The following ZNG1A variants were observed in gnomAD, a reference collection of about 807,000 sequenced individuals.
ZNG1A encodes the protein zinc-regulated GTPase metalloprotein activator 1A.
the ZNG1A span, among the ~76,000 whole-genome samples, chr9:127,247 TTGA>T: frequency 6.6e-6 from 1 of 152,122 alleles, no homozygotes; most frequent in Non-Finnish European, 1.5e-5. Flanking sequence ...ACTTTCTGTC[TTGA>T]TGACCTGTCC....
At chr9:162,394 C>G in the ZNG1A span, 4 of 1,437,686 alleles carry the variant, frequency 2.8e-6, no homozygotes, top group Non-Finnish European at 3.8e-6. Context: ...ATTCCCAGCT[C>G]TCAATAATGA....
the ZNG1A span, chr9:162,384 A>T: frequency 1.4e-6 from 2 of 1,400,082 alleles, no homozygotes; most frequent in Admixed American, 2.2e-5. Flanking sequence ...CAATCCCCAT[A>T]TTCCCAGCTC....
At chr9:174,146 CA>C in the ZNG1A span, among the ~76,000 whole-genome samples, 88 of 92,582 alleles carry the variant, frequency 9.5e-4, no homozygotes, top group East Asian at 6.0e-3. Context: ...GACTCCATCT[CA>C]AAAAAAAAAA....
chr9:165,321 CATTG>C, the ZNG1A span, among the ~76,000 whole-genome samples: 1 of 150,806 alleles, frequency 6.6e-6, no homozygotes, highest in African/African-American at 2.5e-5. Context: ...TTTAAAAATT[CATTG>C]ATTTTTATTC....
the ZNG1A span, among the ~76,000 whole-genome samples, chr9:138,393 TTTC>T: frequency 1.7e-5 from 2 of 116,646 alleles, no homozygotes; most frequent in East Asian, 2.6e-4. Flanking sequence ...TTTTTCTTTC[TTTC>T]TTTTTTTTTT....
chr9:176,562 G>A, the ZNG1A span, among the ~76,000 whole-genome samples: 2 of 151,934 alleles, frequency 1.3e-5, no homozygotes, highest in East Asian at 1.9e-4. Context: ...GAGTATTAGG[G>A]TATTAATATC....
the ZNG1A span, chr9:161,607 C>A: frequency 7.8e-7 from 1 of 1,286,622 alleles, no homozygotes; most frequent in African/African-American, 1.5e-5. Flanking sequence ...GGGAACGGGT[C>A]AGTGGGTGGG....
the ZNG1A span, among the ~76,000 whole-genome samples, chr9:175,056 A>T: frequency 3.9e-5 from 6 of 152,224 alleles, no homozygotes; most frequent in Non-Finnish European, 7.3e-5. Flanking sequence ...AATAGAGTCC[A>T]TACAAAAGTG....
the ZNG1A span, chr9:172,178 G>T: frequency 1.2e-6 from 2 of 1,610,542 alleles, no homozygotes; most frequent in Non-Finnish European, 1.7e-6. Context: ...TGTCCCTGGA[G>T]AATACCAAAA....
chr9:177,953 G>T, the ZNG1A span: 3 of 984,714 alleles, frequency 3.0e-6, no homozygotes, highest in African/African-American at 5.1e-5. Flanking sequence ...AAAAGGTCAC[G>T]AAGTGGCCCA....
At chr9:174,236 C>A in the ZNG1A span, among the ~76,000 whole-genome samples, 7 of 151,274 alleles carry the variant, frequency 4.6e-5, no homozygotes, top group African/African-American at 1.7e-4. Flanking sequence ...ATTTGAAATG[C>A]TTGTTATCTA....
the ZNG1A span, chr9:171,802 T>G: frequency 9.2e-6 from 4 of 435,848 alleles, no homozygotes; most frequent in African/African-American, 8.1e-5. Flanking sequence ...TTCCTACATG[T>G]CCTTATTTTT....
the ZNG1A span, chr9:166,694 T>A: frequency 2.0e-5 from 3 of 152,556 alleles, no homozygotes; most frequent in Non-Finnish European, 4.4e-5. Context: ...AATGCGTTTG[T>A]AGCGCTAAAG....
the ZNG1A span, chr9:151,999 ATT>A: frequency 1.9e-6 from 1 of 534,086 alleles, no homozygotes; most frequent in African/African-American, 2.0e-5. Flanking sequence ...AACTAAAATG[ATT>A]TGTTATTAAT....
At chr9:154,622 G>C in the ZNG1A span, 3,727 of 983,742 alleles carry the variant, frequency 3.8e-3, 93 homozygotes, top group African/African-American at 0.052. Flanking sequence ...TATACCTTAA[G>C]TTTCTACAGG....
At chr9:154,697 A>G in the ZNG1A span, 4 of 1,587,120 alleles carry the variant, frequency 2.5e-6, no homozygotes, top group Non-Finnish European at 3.4e-6. Flanking sequence ...TAACACACTT[A>G]TCATTTCGTA....
chr9:135,112 G>A, the ZNG1A span: 115,429 of 1,258,140 alleles, frequency 0.092, 7,024 homozygotes, highest in East Asian at 0.2. Context: ...CAAGGATAAT[G>A]AAGTGACTTT....
the ZNG1A span, among the ~76,000 whole-genome samples, chr9:125,953 A>G: frequency 2.0e-5 from 1 of 50,230 alleles, no homozygotes; most frequent in Non-Finnish European, 3.7e-5. Context: ...GCCTTATAGT[A>G]TAAGTTTGAA....
the ZNG1A span, chr9:154,732 T>C: frequency 4.4e-6 from 7 of 1,598,292 alleles, no homozygotes; most frequent in Non-Finnish European, 3.4e-6. Context: ...TTAATTTCTT[T>C]ACATCTTCTT....
Sources: gnomAD v4.1 joint callset for allele counts (sites outside exome capture counted in the v4.1 genomes callset) on GRCh38, gnomAD v4.1.1 for gene constraint, MANE v1.5 for transcripts, NCBI Gene and HGNC (gene_info 2026-07-23, HGNC 2026-07-21) for gene names.